The following BARX2 variants were observed in gnomAD, a reference collection of about 807,000 sequenced individuals.
BARX2 encodes BARX homeobox 2.
BARX2 carries 11 observed loss-of-function variants against 25.5 expected under a neutral mutation model. The ratio of observed to expected loss-of-function variants is 0.43; its 90% CI spans 0.27 to 0.71. The LOEUF is 0.71. Among genes scored for constraint, BARX2 ranks in the 30% least tolerant of loss-of-function variants. BARX2 has a pLI of 0.19. For missense variants in BARX2, 360 were observed against 359.9 expected, an observed-to-expected ratio of 1.00 and a Z score of 0.00; for synonymous variants, 137 against 149.5, an observed-to-expected ratio of 0.92 and a Z score of 0.61.
chr11:129,377,766 A>T (rs1290922497), intron 1 of BARX2, among the ~76,000 whole-genome samples: 1 of 152,242 alleles, frequency 6.6e-6, no homozygotes, highest in East Asian at 1.9e-4. Flanking sequence ...CGTATGGGAC[A>T]TTCCCAGGAC....
chr11:129,408,020 CAAAAAAAAAA>C lies in BARX2; in HGVS notation c.188-28713_188-28704del, dbSNP rs59310534. On this transcript the variant is annotated intron_variant, in intron 1 of 3. Transcript: ENST00000281437. ...ATTGAGACAGAGCCAGACTCCGTCT[CAAAAAAAAAA>C]AAAAAAAAAAAAAAAAAGTTGGAGC... Among the ~76,000 whole-genome samples the C allele has an allele frequency of 2.5e-3, 115 of 46,492 alleles. 1 individual carries two copies. The highest frequency in any genetic ancestry group is 8.0e-3 in the African/African-American group (103 of 12,850). The allele number at this position is 46,492 out of a possible 152,430, so 30.5% of individuals were successfully genotyped here. A position where few individuals can be genotyped will look rare whatever the true frequency, so the allele number is the denominator to read the frequency against.
chr11:129,382,259 AC>A (rs1220069049), intron 1 of BARX2, among the ~76,000 whole-genome samples: 7 of 152,054 alleles, frequency 4.6e-5, no homozygotes, highest in Admixed American at 4.6e-4. Flanking sequence ...GCTCACTGCA[AC>A]CTCTGCTTCC....
At chr11:129,451,024 A>G (rs1474286502) in intron 3 of BARX2, 112 bp from the exon 4 acceptor site, 30 of 1,385,152 alleles carry the variant, frequency 2.2e-5, no homozygotes, top group East Asian at 1.4e-4. Context: ...AAATCCTGCA[A>G]TTTCACTGCT....
In BARX2 at chr11:129,376,145, A is replaced by T. The variant is rs1397863335; in HGVS notation, c.110A>T (p.Asp37Val). The change falls in exon 1 of 4, where the codon GAT becomes GTT. Residue 37 changes from aspartate to valine, a missense_variant. By Grantham distance (152) the Asp-to-Val change is radical. Around this residue, in one of 3 missense-constraint regions of BARX2, gnomAD observed 240 missense variants for 228.7 expected, o/e 1.05. Transcript: ENST00000281437. The surrounding 1 kb of genome is among the most constrained non-coding windows in gnomAD (Gnocchi z 4.2). ...GAGATCCTCTCCAAGGAGACCTGCG[A>T]TTACTTTGAGAAACTTTCCCTCTAC... ...IDEILSKETC[D>V]YFEKLSLYSV... 1 of 1,613,672 alleles carries T rather than the reference A, an allele frequency of 6.2e-7. No individual in the cohort carries two copies. The highest frequency in any genetic ancestry group is 8.5e-7 in the Non-Finnish European group (1 of 1,179,786).
intron 1 of BARX2, among the ~76,000 whole-genome samples, chr11:129,397,226 G>T (rs573791913): frequency 1.6e-4 from 25 of 151,518 alleles, no homozygotes; most frequent in African/African-American, 5.3e-4. Context: ...CCAGACTGCA[G>T]TGAGCTGTGG....
upstream of BARX2, among the ~76,000 whole-genome samples, chr11:129,375,518 C>A (rs969425989): frequency 1.3e-5 from 2 of 152,114 alleles, no homozygotes; most frequent in Admixed American, 1.3e-4. This position sits in a 1 kb window ranked among gnomAD's most constrained non-coding sequence, Gnocchi z 4.0. Context: ...GGGCCTTGGC[C>A]GCGGGCTGGG....
Position 129,437,060 on chromosome 11 carries a change from G to A in BARX2, c.488+9G>A, listed in dbSNP as rs202164322. The A allele has an allele frequency of 7.8e-6, 12 of 1,543,272 alleles. No individual in the cohort carries two copies. Among genetic ancestry groups the A allele is most frequent in the African/African-American group, 4.1e-5 (3 of 73,204 alleles). Reference sequence around the variant, plus strand: ...TTGTCAACCCCAGACAGGTGAGGACGCAGGGAAGGGACTCTCCGCAGTGAA... The same window carrying A: ...TTGTCAACCCCAGACAGGTGAGGACACAGGGAAGGGACTCTCCGCAGTGAA... On this transcript the variant is annotated intron_variant, in intron 2 of 3. Transcript: ENST00000281437.
chr11:129,435,122 T>G (rs1194719013), intron 1 of BARX2, among the ~76,000 whole-genome samples: 1 of 152,214 alleles, frequency 6.6e-6, no homozygotes, highest in Non-Finnish European at 1.5e-5. Context: ...TTCCAAGAAG[T>G]ATCATTTCAG....
intron 3 of BARX2, among the ~76,000 whole-genome samples, chr11:129,449,801 G>C (rs1233907721): frequency 6.6e-6 from 1 of 152,188 alleles, no homozygotes; most frequent in East Asian, 1.9e-4. Context: ...GGCTGAGTGA[G>C]AGGGGCAGCA....
At position 129,380,553 on chromosome 11, in the gene BARX2, G is replaced by A. The variant is rs1015944593; in HGVS notation, c.187+4331G>A. The stretch of plus-strand genomic sequence containing the variant: ...AGTTGGATACTGGAATGTTAATGGA[G>A]AAACATAAACCAAGGTCTGGGAAAA... On this transcript the variant is annotated intron_variant, in intron 1 of 3. Transcript: ENST00000281437. 2.6e-5 allele frequency among the ~76,000 whole-genome samples: 4 copies of A among 152,140 alleles called. No individual in the cohort carries two copies. In the South Asian group the frequency reaches 8.3e-4, roughly 32 times the overall value.
At chr11:129,397,666 C>T (rs1271902005) in intron 1 of BARX2, among the ~76,000 whole-genome samples, 1 of 152,162 alleles carries the variant, frequency 6.6e-6, no homozygotes, top group African/African-American at 2.4e-5. Flanking sequence ...AGCGTCAGAG[C>T]CCCTGCCCTC....
At chr11:129,444,237 A>C (rs10791009) in intron 3 of BARX2, among the ~76,000 whole-genome samples, 111,610 of 151,546 alleles carry the variant, frequency 0.74, 42,431 homozygotes, top group African/African-American at 0.92. Context: ...AAAAAAAAAA[A>C]CAAAATAAGT....
chr11:129,390,481 G>A lies in BARX2; in HGVS notation c.187+14259G>A, dbSNP rs776089800. Among the ~76,000 whole-genome samples the A allele has an allele frequency of 6.6e-6, 1 of 152,072 alleles. No individual in the cohort carries two copies. Among genetic ancestry groups the A allele is most frequent in the African/African-American group, 2.4e-5 (1 of 41,406 alleles). Reference sequence around the variant, plus strand: ...GCCTGTGGATTCAGAAAAACAAAATGCATATGTTTGTGTTCCAGTAGGAGG... The same window carrying A: ...GCCTGTGGATTCAGAAAAACAAAATACATATGTTTGTGTTCCAGTAGGAGG... On this transcript the variant is annotated intron_variant, in intron 1 of 3. Coordinates refer to ENST00000281437, the MANE Select transcript of BARX2 (RefSeq NM_003658.5). This position sits in a 1 kb window ranked among gnomAD's most constrained non-coding sequence, Gnocchi z 4.3.
intron 1 of BARX2, among the ~76,000 whole-genome samples, chr11:129,430,971 C>T (rs1303925884): frequency 6.6e-6 from 1 of 152,214 alleles, no homozygotes; most frequent in Non-Finnish European, 1.5e-5. Flanking sequence ...CAGCAATTCT[C>T]ATGCCACAGC....
chr11:129,395,609 C>T (rs1861711740), intron 1 of BARX2, among the ~76,000 whole-genome samples: 1 of 152,200 alleles, frequency 6.6e-6, no homozygotes, highest in Non-Finnish European at 1.5e-5. Context: ...CCCTCTCTCT[C>T]TGCACCCATC....
intron 1 of BARX2, among the ~76,000 whole-genome samples, chr11:129,426,524 C>A (rs1235022846): frequency 6.6e-6 from 1 of 152,076 alleles, no homozygotes; most frequent in Non-Finnish European, 1.5e-5. Flanking sequence ...AGGTGTGCAC[C>A]ACCACGCCTG....
At chr11:129,418,095 T>C (rs1861964130) in intron 1 of BARX2, among the ~76,000 whole-genome samples, 1 of 152,202 alleles carries the variant, frequency 6.6e-6, no homozygotes, top group Admixed American at 6.5e-5. Context: ...TTTATTTGTT[T>C]TTGCACTTTG....
intron 1 of BARX2, among the ~76,000 whole-genome samples, chr11:129,412,903 G>A (rs933669519): frequency 2.0e-5 from 3 of 152,190 alleles, no homozygotes; most frequent in Admixed American, 2.0e-4. Context: ...CACAGTATAT[G>A]TTCTCAAGAA....
intron 1 of BARX2, among the ~76,000 whole-genome samples, chr11:129,377,446 C>T (rs774183624): frequency 6.6e-6 from 1 of 152,134 alleles, no homozygotes; most frequent in Non-Finnish European, 1.5e-5. Context: ...TTCAGTTATG[C>T]CTTTTTAAAG....
Sources: gnomAD v4.1 joint callset for allele counts (sites outside exome capture counted in the v4.1 genomes callset) on GRCh38, gnomAD v4.1.1 for gene constraint, gnomAD v4.1.1 regional missense constraint, Gnocchi (gnomAD v3.1) non-coding constraint, MANE v1.5 for transcripts, NCBI Gene and HGNC (gene_info 2026-07-23, HGNC 2026-07-21) for gene names.